CNNM1: variants seen among roughly 807,000 people sequenced by gnomAD.
CNNM1 encodes metal transporter CNNM1.
In CNNM1, 44 loss-of-function variants were observed where a neutral mutation model predicts 78.8. That is an observed-to-expected ratio of 0.56 (90% CI 0.44 to 0.72). The LOEUF is 0.72. CNNM1 is among the 30% of genes least tolerant of loss of function. CNNM1 has a pLI of 0.00. For missense variants in CNNM1, 1,101 were observed against 1,292.2 expected, an observed-to-expected ratio of 0.85 and a Z score of 2.27; for synonymous variants, 584 against 581.5, an observed-to-expected ratio of 1.00 and a Z score of -0.06.
Position 99,330,269 on chromosome 10 carries a change from C to A in CNNM1, c.882C>A (p.Asn294Lys). ...CTLLLGQAGA[N>K]AALAGWLYTS... is the part of the protein sequence containing the mutation. ...TACTCCTGGGCCAAGCCGGAGCCAACGCGGCCCTGGCTGGCTGGCTGTACA... is the reference window on the plus strand; with the variant it reads ...TACTCCTGGGCCAAGCCGGAGCCAAAGCGGCCCTGGCTGGCTGGCTGTACA... The change falls in exon 1 of 11, where the codon AAC becomes AAA. Residue 294 changes from asparagine (N) to lysine (K), a missense_variant. Asn to Lys is a moderately conservative substitution (Grantham distance 94, BLOSUM62 0). This residue lies in a region of CNNM1 where 476 missense variants were observed against 484.5 expected (regional missense o/e 0.98). Transcript: ENST00000356713. The A allele has an allele frequency of 6.4e-7, 1 of 1,561,590 alleles. No homozygotes were observed. Among genetic ancestry groups the A allele is most frequent in the Non-Finnish European group, 8.7e-7 (1 of 1,153,950 alleles).
intron 6 of CNNM1, 67 bp downstream of exon 6, chr10:99,365,069 C>T (rs1467364216): frequency 5.8e-6 from 9 of 1,540,060 alleles, no homozygotes; most frequent in South Asian, 2.3e-5. Context: ...GCTCTGGGGA[C>T]CTGGACCGAG....
intron 1 of CNNM1, among the ~76,000 whole-genome samples, chr10:99,356,055 T>C (rs1311454376): frequency 1.3e-5 from 2 of 152,086 alleles, no homozygotes; most frequent in South Asian, 4.1e-4. Flanking sequence ...CAACAACTAT[T>C]TTATTATGCT....
At chr10:99,354,850 A>G (rs1425407170) in intron 1 of CNNM1, among the ~76,000 whole-genome samples, 1 of 152,212 alleles carries the variant, frequency 6.6e-6, no homozygotes, top group Non-Finnish European at 1.5e-5. Context: ...TGATGATATT[A>G]CACCAAACTA....
intron 7 of CNNM1, among the ~76,000 whole-genome samples, chr10:99,381,625 C>G (rs1304240692): frequency 1.3e-5 from 2 of 151,552 alleles, no homozygotes; most frequent in Admixed American, 6.6e-5. Context: ...ACCTGTAATC[C>G]CAGCTACTCG....
intron 4 of CNNM1, among the ~76,000 whole-genome samples, chr10:99,364,192 G>C (rs1405194698): frequency 6.6e-6 from 1 of 152,152 alleles, no homozygotes; most frequent in East Asian, 1.9e-4. Flanking sequence ...TTCATGACTG[G>C]ATGCTATTTT....
At position 99,364,412 on chromosome 10, in the gene CNNM1, TCC is replaced by T; in HGVS notation, c.2029-4_2029-3del. The T allele has an allele frequency of 2.5e-6, 4 of 1,601,246 alleles. No individual in the cohort carries two copies. The highest frequency in any genetic ancestry group is 3.4e-5 in the Admixed American group (2 of 58,110). ...CATAGTACACTTCCTTTTTTTTTTTTCCAGGGTAAAGTGGAGGTGGAGGTTGG... is the reference window on the plus strand; with the variant it reads ...CATAGTACACTTCCTTTTTTTTTTTTAGGGTAAAGTGGAGGTGGAGGTTGG... On this transcript the variant is annotated splice_region_variant and splice_polypyrimidine_tract_variant and intron_variant, in intron 4 of 10. Coordinates refer to ENST00000356713, the MANE Select transcript of CNNM1 (RefSeq NM_020348.3).
chr10:99,368,183 C>A (rs1453959990), intron 6 of CNNM1, among the ~76,000 whole-genome samples: 1 of 152,212 alleles, frequency 6.6e-6, no homozygotes. Flanking sequence ...CACACGCTTT[C>A]CATTCAGGCC....
At chr10:99,358,506 T>C (rs1031106145) in intron 2 of CNNM1, among the ~76,000 whole-genome samples, 2 of 152,136 alleles carry the variant, frequency 1.3e-5, no homozygotes, top group African/African-American at 2.4e-5. Context: ...GGTCCTTAGT[T>C]TGTGAGATGC....
Position 99,329,972 on chromosome 10 carries a change from C to A in CNNM1, c.585C>A (p.His195Gln). 7.2e-7 allele frequency: 1 copy of A among 1,387,126 alleles called. No homozygotes were observed. The highest frequency in any genetic ancestry group is 9.2e-7 in the Non-Finnish European group (1 of 1,081,900). 85.9% of individuals were successfully genotyped at this position (1,387,126 alleles called of 1,614,324 possible). ...GCGCCTGGGATGGGCGCGCGTGGCACCACCACGGCGCCGCCGGCGGCTTCC... is the reference window on the plus strand; with the variant it reads ...GCGCCTGGGATGGGCGCGCGTGGCAACACCACGGCGCCGCCGGCGGCTTCC... ...SLCAWDGRAW[H>Q]HHGAAGGFLL... is the part of the protein sequence containing the mutation. The change falls in exon 1 of 11, where the codon CAC becomes CAA. Residue 195 changes from histidine to glutamine, a missense_variant. Around this residue, in one of 3 missense-constraint regions of CNNM1, gnomAD observed 476 missense variants for 484.5 expected, o/e 0.98. Coordinates refer to ENST00000356713, the MANE Select transcript of CNNM1 (RefSeq NM_020348.3).
In CNNM1 at chr10:99,329,655, C is replaced by A. The variant is rs1390962782; in HGVS notation, c.268C>A (p.Pro90Thr). 6.5e-7 allele frequency: 1 copy of A among 1,550,188 alleles called. No homozygotes were observed. Among genetic ancestry groups the A allele is most frequent in the East Asian group, 2.5e-5 (1 of 39,768 alleles). The change falls in exon 1 of 11, where the codon CCG (proline) becomes ACG (threonine). Residue 90 changes from proline (P) to threonine (T), a missense_variant. Physicochemically the swap from Pro to Thr is conservative, Grantham distance 38. This residue lies in a region of CNNM1 where 476 missense variants were observed against 484.5 expected (regional missense o/e 0.98). Coordinates refer to ENST00000356713, the MANE Select transcript of CNNM1 (RefSeq NM_020348.3). ...GGCCACCGCCGCACCGGTGCCCTCA[C>A]CGACCCTCAACTCGGGGGAGAATGG... Reference protein sequence around the residue: ...PPATAAPVPSPTLNSGENGTG... With the variant: ...PPATAAPVPSTTLNSGENGTG...
At chr10:99,357,727 T>C (rs914901714) in intron 2 of CNNM1, 72 bp downstream of exon 2, 84 of 1,423,608 alleles carry the variant, frequency 5.9e-5, no homozygotes, top group Non-Finnish European at 7.4e-5. Context: ...AAAGCCTCAT[T>C]TGATTTATAG....
intron 6 of CNNM1, among the ~76,000 whole-genome samples, chr10:99,367,234 T>G (rs1366543424): frequency 6.6e-6 from 1 of 152,170 alleles, no homozygotes; most frequent in Non-Finnish European, 1.5e-5. Context: ...CAATAAAATC[T>G]TGTAGGGTCT....
At chr10:99,368,452 A>T in intron 6 of CNNM1, 1 of 360,858 alleles carries the variant, frequency 2.8e-6, no homozygotes, top group Non-Finnish European at 5.5e-6. Context: ...TTGTAAGAGG[A>T]TGTGATTCCT....
chr10:99,381,427 G>GAA (rs1564959457), intron 7 of CNNM1, among the ~76,000 whole-genome samples: 1 of 137,978 alleles, frequency 7.2e-6, no homozygotes, highest in Admixed American at 7.3e-5. Context: ...AAAAAAAAAG[G>GAA]AAAAAAAAGA....
Position 99,393,818 on chromosome 10 carries a change from CTT to C in CNNM1, c.*2304_*2305del, listed in dbSNP as rs2032544462. 6.6e-6 allele frequency: 1 copy of C among 152,302 alleles called. No individual in the cohort carries two copies. Among genetic ancestry groups the C allele is most frequent in the Non-Finnish European group, 1.5e-5 (1 of 68,124 alleles). The allele number at this position is 152,302 out of a possible 1,614,324, so 9.4% of individuals were successfully genotyped here. Reference sequence around the variant, plus strand: ...GGGCCACAGCGTGTGGAAGTAAAGACTTTGGAGCTAGAGAAGCCTTTTCCAGC... The same window carrying C: ...GGGCCACAGCGTGTGGAAGTAAAGACTGGAGCTAGAGAAGCCTTTTCCAGC... On this transcript the variant is annotated 3_prime_UTR_variant, in exon 11 of 11. Coordinates refer to ENST00000356713, the MANE Select transcript of CNNM1 (RefSeq NM_020348.3).
Position 99,388,022 on chromosome 10 carries a change from C to A in CNNM1, c.2524+19C>A. 6.3e-7 allele frequency: 1 copy of A among 1,578,172 alleles called. No individual in the cohort carries two copies. Reference sequence around the variant, plus strand: ...CTGCCGTGTAAGTCAGCTGGGCAGACGGGCAGGCTGGGCTGGTGTGGGGTG... The same window carrying A: ...CTGCCGTGTAAGTCAGCTGGGCAGAAGGGCAGGCTGGGCTGGTGTGGGGTG... On this transcript the variant is annotated intron_variant, in intron 8 of 10. Coordinates refer to ENST00000356713, the MANE Select transcript of CNNM1 (RefSeq NM_020348.3).
At chr10:99,387,135 A>G (rs1225489075) in intron 7 of CNNM1, among the ~76,000 whole-genome samples, 1 of 152,132 alleles carries the variant, frequency 6.6e-6, no homozygotes, top group African/African-American at 2.4e-5. Flanking sequence ...TAGAAGAGAT[A>G]TTTGATCCAT....
intron 1 of CNNM1, among the ~76,000 whole-genome samples, chr10:99,348,038 G>GTA (rs1554938699): frequency 2.9e-3 from 335 of 116,496 alleles, no homozygotes; most frequent in African/African-American, 0.011. Flanking sequence ...GTGTGTGTGT[G>GTA]TATATATATA....
chr10:99,386,782 C>T (rs1256446188), intron 7 of CNNM1, among the ~76,000 whole-genome samples: 1 of 152,208 alleles, frequency 6.6e-6, no homozygotes, highest in East Asian at 1.9e-4. Flanking sequence ...CATCCCCTCT[C>T]CTATTTCCAG....
Sources: allele counts gnomAD v4.1 joint callset (sites outside exome capture counted in the v4.1 genomes callset), GRCh38; gene constraint gnomAD v4.1.1; regional missense constraint gnomAD v4.1.1; transcripts MANE v1.5; gene names NCBI Gene and HGNC (gene_info 2026-07-23, HGNC 2026-07-21).